Variants in AKR1C4 observed in about 807,000 individuals in gnomAD.
AKR1C4 encodes the protein 3-alpha-HSD1.
AKR1C4 carries 44 observed loss-of-function variants against 41.0 expected under a neutral mutation model. The observed-to-expected ratio is 1.07, with a 90% CI of 0.84 to 1.38. AKR1C4 has a LOEUF of 1.38. Among genes scored for constraint, AKR1C4 ranks in the 40% most tolerant of loss-of-function variants. The pLI is 0.00. For synonymous variants in AKR1C4, 165 were observed against 137.7 expected, an observed-to-expected ratio of 1.20 and a Z score of -1.39; for missense variants, 438 against 387.9, an observed-to-expected ratio of 1.13 and a Z score of -1.09.
At chr10:5,202,033 A>G (rs1564400575) in intron 2 of AKR1C4, among the ~76,000 whole-genome samples, 1 of 152,110 alleles carries the variant, frequency 6.6e-6, no homozygotes, top group Non-Finnish European at 1.5e-5. Context: ...AAGTCTGGTA[A>G]TGAAATACCT....
intron 5 of AKR1C4, among the ~76,000 whole-genome samples, chr10:5,211,861 G>C (rs1832580065): frequency 6.6e-6 from 1 of 152,182 alleles, no homozygotes. Flanking sequence ...AAGGCAAAGA[G>C]GAGCAAGTCA....
chr10:5,216,761 A>G lies in AKR1C4; in HGVS notation c.897A>G (p.Leu299=), dbSNP rs954154722. Residue 299 remains leucine, a synonymous_variant, in exon 8 of 9, where the codon CTA becomes CTG. Transcript: ENST00000263126. ...TSEDMKVLDG[L]NRNYRYVVMD... is the part of the protein sequence containing the mutation. The stretch of plus-strand genomic sequence containing the variant: ...AGGATATGAAAGTTCTAGATGGTCT[A>G]AACAGAAATTATCGATATGTTGTCA... 1.2e-6 allele frequency: 2 copies of G among 1,612,384 alleles called. No homozygotes were observed. Among genetic ancestry groups the G allele is most frequent in the Non-Finnish European group, 1.7e-6 (2 of 1,179,014 alleles).
intron 8 of AKR1C4, 59 bp downstream of exon 8, chr10:5,216,852 G>A: frequency 8.0e-7 from 1 of 1,253,364 alleles, no homozygotes; most frequent in Non-Finnish European, 1.1e-6. Flanking sequence ...ATGTCAGATG[G>A]GTGTTGAAAG....
intron 5 of AKR1C4, among the ~76,000 whole-genome samples, chr10:5,212,383 T>C (rs1262975511): frequency 6.6e-6 from 1 of 152,176 alleles, no homozygotes; most frequent in African/African-American, 2.4e-5. Flanking sequence ...CTTCTAGTGG[T>C]CAAAGGTTGT....
chr10:5,197,294 C>T (rs889264517), intron 1 of AKR1C4, among the ~76,000 whole-genome samples: 1 of 152,186 alleles, frequency 6.6e-6, no homozygotes, highest in African/African-American at 2.4e-5. Context: ...AGAATGGTTT[C>T]TCCATTTATT....
At chr10:5,199,261 G>C (rs1240226127) in intron 1 of AKR1C4, among the ~76,000 whole-genome samples, 1 of 152,070 alleles carries the variant, frequency 6.6e-6, no homozygotes, top group Non-Finnish European at 1.5e-5. Context: ...TTTTGTGAAG[G>C]TCAGTGCTGG....
At position 5,204,955 on chromosome 10, in the gene AKR1C4, T is replaced by G. The variant is rs1832462452; in HGVS notation, c.369+462T>G. Reference sequence around the variant, plus strand: ...AAACCATAATAGGACCTGAGAATCCTTGCCTTTTTCACTAAGGCTTATTTC... The same window carrying G: ...AAACCATAATAGGACCTGAGAATCCGTGCCTTTTTCACTAAGGCTTATTTC... On this transcript the variant is annotated intron_variant, in intron 3 of 8. Coordinates refer to ENST00000263126, the MANE Select transcript of AKR1C4 (RefSeq NM_001818.5). Among the ~76,000 whole-genome samples, 5 of 152,246 alleles carry G rather than the reference T, an allele frequency of 3.3e-5. No homozygotes were observed. The South Asian group carries it at 1.0e-3, about 31-fold the overall frequency.
At chr10:5,209,859 T>C (rs925867400) in intron 5 of AKR1C4, among the ~76,000 whole-genome samples, 1 of 152,142 alleles carries the variant, frequency 6.6e-6, no homozygotes, top group Admixed American at 6.5e-5. Context: ...AGCCAAACCA[T>C]ATCATGCCAC....
intron 7 of AKR1C4, among the ~76,000 whole-genome samples, chr10:5,214,372 C>T (rs1832623655): frequency 1.8e-5 from 1 of 55,244 alleles, no homozygotes; most frequent in African/African-American, 4.6e-5. Flanking sequence ...CTGACTTAGT[C>T]TCTTATATAA....
At chr10:5,213,511 C>CA (rs1832608352) in intron 7 of AKR1C4, among the ~76,000 whole-genome samples, 2 of 152,102 alleles carry the variant, frequency 1.3e-5, no homozygotes, top group Admixed American at 1.3e-4. Flanking sequence ...CTTGTTTACT[C>CA]AGTATAAATT....
intron 3 of AKR1C4, chr10:5,204,738 C>CCTT (rs1362484141): frequency 1.0e-5 from 6 of 598,884 alleles, no homozygotes; most frequent in Non-Finnish European, 1.9e-5. Flanking sequence ...ACAACAGCCA[C>CCTT]CTTCAAGGCT....
At chr10:5,213,451 T>TG (rs1423080571) in intron 7 of AKR1C4, among the ~76,000 whole-genome samples, 2 of 152,228 alleles carry the variant, frequency 1.3e-5, no homozygotes, top group African/African-American at 2.4e-5. Flanking sequence ...AGTGAGGAGT[T>TG]GGGTTAGGTG....
chr10:5,217,759 T>C (rs953153983), intron 8 of AKR1C4, among the ~76,000 whole-genome samples: 8 of 151,980 alleles, frequency 5.3e-5, no homozygotes, highest in Middle Eastern at 3.4e-3. Flanking sequence ...GACTCAGTCA[T>C]TAAAAAACAA....
intron 1 of AKR1C4, 106 bp from the exon 2 acceptor site, chr10:5,200,075 G>A: frequency 2.1e-6 from 3 of 1,444,366 alleles, no homozygotes; most frequent in Non-Finnish European, 2.8e-6. Flanking sequence ...CTGAAGAAGC[G>A]AGCCACACCC....
chr10:5,198,177 C>T (rs1489583108), intron 1 of AKR1C4, among the ~76,000 whole-genome samples: 2 of 152,298 alleles, frequency 1.3e-5, no homozygotes, highest in East Asian at 3.9e-4. Context: ...TTACTAATCT[C>T]TCACAGGTCG....
chr10:5,218,632 G>A, intron 8 of AKR1C4, 86 bp from the exon 9 acceptor site: 1 of 1,024,688 alleles, frequency 9.8e-7, no homozygotes, highest in East Asian at 2.5e-5. Context: ...TCACACTAAT[G>A]GCAGCTTCAT....
chr10:5,199,441 T>C (rs1832362168), intron 1 of AKR1C4, among the ~76,000 whole-genome samples: 1 of 152,070 alleles, frequency 6.6e-6, no homozygotes, highest in African/African-American at 2.4e-5. Context: ...TGCCCAAAAG[T>C]TGCATTTCCC....
intron 7 of AKR1C4, among the ~76,000 whole-genome samples, chr10:5,216,387 A>T (rs957447833): frequency 6.6e-6 from 1 of 152,200 alleles, no homozygotes; most frequent in Non-Finnish European, 1.5e-5. Context: ...TAAATTATAC[A>T]TTTCAAAATT....
Position 5,206,319 on chromosome 10 carries a change from G to A in AKR1C4, c.492G>A (p.Gly164=), listed in dbSNP as rs374575386. 1.2e-6 allele frequency: 2 copies of A among 1,614,006 alleles called. No homozygotes were observed. The highest frequency in any genetic ancestry group is 1.7e-6 in the Non-Finnish European group (2 of 1,179,966). ...ATGCAGGATTGGCCAAGTCCATCGG[G>A]GTGTCAAACTTCAACTGCAGGCAGC... is the stretch of plus-strand genomic sequence containing the variant. ...CKDAGLAKSI[G]VSNFNCRQLE... Residue 164 remains glycine, a synonymous_variant, in exon 5 of 9, where the codon GGG becomes GGA. Coordinates refer to ENST00000263126, the MANE Select transcript of AKR1C4 (RefSeq NM_001818.5).
Sources: gnomAD v4.1 joint callset for allele counts (sites outside exome capture counted in the v4.1 genomes callset) on GRCh38, gnomAD v4.1.1 for gene constraint, MANE v1.5 for transcripts, NCBI Gene and HGNC (gene_info 2026-07-23, HGNC 2026-07-21) for gene names.